Variants in PTK2 observed in about 807,000 individuals in gnomAD.
PTK2 encodes protein tyrosine kinase 2.
A neutral mutation model predicts 150.1 loss-of-function variants in PTK2; 45 were observed. That is an observed-to-expected ratio of 0.30 (90% confidence interval 0.24 to 0.38). PTK2 has a LOEUF of 0.38. PTK2 is among the 10% of genes least tolerant of loss of function. The pLI is 1.00. For missense variants in PTK2, 919 were observed against 1,307.3 expected (o/e 0.70, Z 4.58); for synonymous variants, 432 against 449.2 (o/e 0.96, Z 0.48).
At chr8:140,717,133 G>T (rs1012378292) in intron 23 of PTK2, among the ~76,000 whole-genome samples, 4 of 152,208 alleles carry the variant, frequency 2.6e-5, no homozygotes, top group African/African-American at 9.7e-5. Flanking sequence ...CCAGCCACCA[G>T]CTACGAAAGA....
At chr8:140,671,759 C>CAAAAAAAAAAAAAAAAAAAA (rs35706231) in intron 29 of PTK2, among the ~76,000 whole-genome samples, 1 of 94,176 alleles carries the variant, frequency 1.1e-5, no homozygotes, top group African/African-American at 3.8e-5. Flanking sequence ...TAAAAATACC[C>CAAAAAAAAAAAAAAAAAAAA]AAAAAAAAAA....
At chr8:140,744,118 C>T (rs1410354050) in intron 19 of PTK2, among the ~76,000 whole-genome samples, 4 of 150,974 alleles carry the variant, frequency 2.6e-5, no homozygotes, top group Admixed American at 6.6e-5. Context: ...GTATTAATGC[C>T]GGATAACAAA....
chr8:140,903,839 T>C (rs1373195952), intron 2 of PTK2, among the ~76,000 whole-genome samples: 1 of 152,208 alleles, frequency 6.6e-6, no homozygotes, highest in African/African-American at 2.4e-5. Context: ...TTTTGCACAT[T>C]GATTTTGAAC....
intron 7 of PTK2, among the ~76,000 whole-genome samples, chr8:140,844,129 T>A (rs1481682122): frequency 1.3e-5 from 2 of 152,218 alleles, no homozygotes; most frequent in Non-Finnish European, 2.9e-5. Context: ...GTTTTTATTA[T>A]GAGGAAGGCC....
intron 5 of PTK2, among the ~76,000 whole-genome samples, chr8:140,851,923 G>C (rs2100129524): frequency 6.6e-6 from 1 of 151,484 alleles, no homozygotes; most frequent in Admixed American, 6.6e-5. Context: ...AAGAACATTT[G>C]ATGTTGAGTG....
chr8:140,736,970 C>G (rs984282494), intron 21 of PTK2, among the ~76,000 whole-genome samples: 2 of 152,160 alleles, frequency 1.3e-5, no homozygotes, highest in African/African-American at 4.8e-5. Flanking sequence ...AGATTCTGAA[C>G]TTAGCCAAGA....
At chr8:140,852,381 T>C (rs1194594440) in intron 5 of PTK2, among the ~76,000 whole-genome samples, 1 of 152,212 alleles carries the variant, frequency 6.6e-6, no homozygotes, top group African/African-American at 2.4e-5. Context: ...TGTATCTTGA[T>C]TATGATGATT....
chr8:140,857,682 T>C (rs556732832), intron 5 of PTK2, among the ~76,000 whole-genome samples: 1 of 152,212 alleles, frequency 6.6e-6, no homozygotes, highest in Non-Finnish European at 1.5e-5. Context: ...CTCAGCTGGC[T>C]GAGGACTGAC....
At chr8:140,850,534 G>A (rs1430274626) in intron 5 of PTK2, among the ~76,000 whole-genome samples, 1 of 149,298 alleles carries the variant, frequency 6.7e-6, no homozygotes, top group African/African-American at 2.5e-5. Context: ...GACCACCCTG[G>A]CTAACATAGT....
At chr8:140,670,827 G>C (rs1164147700) in intron 29 of PTK2, among the ~76,000 whole-genome samples, 2 of 152,082 alleles carry the variant, frequency 1.3e-5, no homozygotes, top group African/African-American at 4.8e-5. Flanking sequence ...GGGGCCACAG[G>C]GTGTTTCATC....
At chr8:140,859,665 C>T (rs1239561016) in intron 5 of PTK2, among the ~76,000 whole-genome samples, 4 of 152,286 alleles carry the variant, frequency 2.6e-5, no homozygotes, top group Middle Eastern at 3.4e-3. Flanking sequence ...ACAATACTTA[C>T]GTAACGTTTC....
At chr8:140,868,442 G>C (rs904592532) in intron 4 of PTK2, among the ~76,000 whole-genome samples, 26 of 152,188 alleles carry the variant, frequency 1.7e-4, no homozygotes, top group African/African-American at 6.3e-4. Flanking sequence ...TGAATGCTAA[G>C]ATCAGTGGGT....
At chr8:140,735,408 C>T in exon 22 of PTK2, 1 of 1,614,140 alleles carries the variant, frequency 6.2e-7, no homozygotes, top group Non-Finnish European at 8.5e-7. Flanking sequence ...TTCTTCACTC[C>T]TTGAAAAGGC....
intron 14 of PTK2, among the ~76,000 whole-genome samples, chr8:140,782,733 C>A (rs1352594034): frequency 6.6e-6 from 1 of 151,710 alleles, no homozygotes; most frequent in Non-Finnish European, 1.5e-5. Context: ...ACCTTGGAAA[C>A]CCACAGCATT....
intron 27 of PTK2, among the ~76,000 whole-genome samples, chr8:140,676,135 G>A (rs1209122259): frequency 6.6e-6 from 1 of 152,188 alleles, no homozygotes; most frequent in Non-Finnish European, 1.5e-5. Context: ...CCAGCACTCT[G>A]GGAGGTCAAA....
At chr8:141,001,261 GGGCTCGCGCCCTCGAGGCCGTGCTGCGT>G (rs2100200165), upstream of PTK2, 1 of 147,010 alleles carries the variant, frequency 6.8e-6, no homozygotes, top group African/African-American at 2.5e-5. Flanking sequence ...GCGGCGGCGC[GGGCTCGCGCCCTCGAGGCCGTGCTGCGT>G]CGGCGCGGGC....
intron 17 of PTK2, among the ~76,000 whole-genome samples, chr8:140,747,943 A>G (rs1249090016): frequency 6.6e-6 from 1 of 152,070 alleles, no homozygotes; most frequent in African/African-American, 2.4e-5. Flanking sequence ...AACCATCTTT[A>G]CAGTAAAAAT....
At chr8:140,823,079 AT>A (rs2100109762) in intron 8 of PTK2, among the ~76,000 whole-genome samples, 1 of 152,234 alleles carries the variant, frequency 6.6e-6, no homozygotes, top group Non-Finnish European at 1.5e-5. Context: ...ATATAAAAAA[AT>A]CTCTTTAAGT....
intron 16 of PTK2, among the ~76,000 whole-genome samples, chr8:140,759,524 C>T (rs1248789676): frequency 9.5e-5 from 10 of 105,222 alleles, no homozygotes; most frequent in African/African-American, 4.0e-4. Context: ...GAGTAAGACC[C>T]TGTCCTAAAA....
Sources: allele counts gnomAD v4.1 joint callset (sites outside exome capture counted in the v4.1 genomes callset), GRCh38; gene constraint gnomAD v4.1.1; transcripts MANE v1.5; gene names NCBI Gene and HGNC (gene_info 2026-07-23, HGNC 2026-07-21).